RCHY1: variants seen among roughly 807,000 people sequenced by gnomAD.
RCHY1 encodes the protein ring finger and CHY zinc finger domain containing 1.
Under a neutral mutation model 41.6 loss-of-function variants are expected in RCHY1, and 21 were observed. That is an observed-to-expected ratio of 0.51 (90% CI 0.36 to 0.73). The LOEUF (loss-of-function observed/expected upper bound fraction) is 0.73, where lower values mean the gene tolerates loss of function less well. Ranked by LOEUF, RCHY1 falls within the 30% of genes least tolerant of loss-of-function variation. RCHY1 has a pLI of 0.00. For synonymous variants in RCHY1, 79 were observed against 102.9 expected (o/e 0.77, Z 1.41); for missense variants, 265 against 325.3 (o/e 0.81, Z 1.43).
chr4:75,513,963 G>A (rs1007728230), intron 1 of RCHY1: 5 of 517,244 alleles, frequency 9.7e-6, no homozygotes, highest in Non-Finnish European at 1.3e-5. Flanking sequence ...CACTGTGCAA[G>A]CCTAATCACT....
At chr4:75,505,180 G>A (rs1032336235) in intron 3 of RCHY1, among the ~76,000 whole-genome samples, 4 of 152,030 alleles carry the variant, frequency 2.6e-5, no homozygotes, top group African/African-American at 9.7e-5. Context: ...TTCACAATAG[G>A]GTTTGTGCTC....
intron 8 of RCHY1, among the ~76,000 whole-genome samples, chr4:75,485,118 T>C (rs573939013): frequency 2.0e-5 from 3 of 152,374 alleles, no homozygotes; most frequent in South Asian, 2.1e-4. Flanking sequence ...TTATAAAATA[T>C]AGGCCCTTAG....
chr4:75,502,798 T>C (rs139127899), intron 3 of RCHY1, among the ~76,000 whole-genome samples: 1,919 of 152,282 alleles, frequency 0.013, 38 homozygotes, highest in African/African-American at 0.044. Context: ...ACCTTTCATG[T>C]AGAAACATGA....
chr4:75,508,795 G>T (rs773537667), intron 3 of RCHY1, 25 bp downstream of exon 3: 6 of 1,353,918 alleles, frequency 4.4e-6, no homozygotes, highest in Admixed American at 4.2e-5. Context: ...GAAGCAATTA[G>T]ATAAGAACAC....
chr4:75,486,859 G>C (rs1287420124), intron 8 of RCHY1, among the ~76,000 whole-genome samples: 1 of 152,050 alleles, frequency 6.6e-6, no homozygotes, highest in African/African-American at 2.4e-5. Flanking sequence ...TGCGCTTGTA[G>C]TCCCAGCTAC....
At chr4:75,485,811 T>C (rs1721948523) in intron 8 of RCHY1, among the ~76,000 whole-genome samples, 1 of 152,212 alleles carries the variant, frequency 6.6e-6, no homozygotes, top group East Asian at 1.9e-4. Context: ...TCTGCTTCTG[T>C]CTGTGTCTGT....
At chr4:75,497,509 C>T (rs1009588098) in intron 3 of RCHY1, among the ~76,000 whole-genome samples, 3 of 152,138 alleles carry the variant, frequency 2.0e-5, no homozygotes, top group Admixed American at 1.3e-4. Context: ...GACCACATGG[C>T]AGAGCCAAGG....
At chr4:75,514,080 A>G (rs1725267033) in intron 1 of RCHY1, 117 bp downstream of exon 1, 2 of 1,473,846 alleles carry the variant, frequency 1.4e-6, no homozygotes, top group Admixed American at 2.1e-5. Flanking sequence ...CAGGTGGAAA[A>G]GGTATCCTGA....
At chr4:75,487,707 A>AATATATATTCATATATATATTCATT (rs1722294374) in intron 8 of RCHY1, among the ~76,000 whole-genome samples, 7 of 58,200 alleles carry the variant, frequency 1.2e-4, no homozygotes, top group Non-Finnish European at 2.0e-4. Flanking sequence ...ATATATTCAT[A>AATATATATTCATATATATATTCATT]ATATATATTC....
At chr4:75,487,653 A>ATATATATTAT (rs1722257287) in intron 8 of RCHY1, among the ~76,000 whole-genome samples, 1 of 52,898 alleles carries the variant, frequency 1.9e-5, no homozygotes, top group Non-Finnish European at 3.2e-5. Context: ...ATATATATTC[A>ATATATATTAT]TAATATATAT....
intron 4 of RCHY1, among the ~76,000 whole-genome samples, chr4:75,493,413 T>C (rs150616046): frequency 2.0e-5 from 3 of 152,012 alleles, no homozygotes; most frequent in South Asian, 2.1e-4. Context: ...CCTACTATAC[T>C]GCTAAGTAAA....
chr4:75,482,729 C>T, intron 8 of RCHY1, 63 bp from the exon 9 acceptor site: 1 of 1,114,122 alleles, frequency 9.0e-7, no homozygotes. Context: ...GCATTGTCTA[C>T]TCATAATCCC....
chr4:75,485,593 A>G (rs1312746471), intron 8 of RCHY1, among the ~76,000 whole-genome samples: 1 of 152,158 alleles, frequency 6.6e-6, no homozygotes, highest in East Asian at 1.9e-4. Flanking sequence ...ATTTACGTCT[A>G]AAGTCTTAGC....
At chr4:75,500,911 A>G (rs1723685288) in intron 3 of RCHY1, among the ~76,000 whole-genome samples, 1 of 152,320 alleles carries the variant, frequency 6.6e-6, no homozygotes, top group South Asian at 2.1e-4. Flanking sequence ...ACATTCAAAT[A>G]ACATGATTTT....
intron 8 of RCHY1, among the ~76,000 whole-genome samples, chr4:75,487,565 AATAT>A (rs1267198319): frequency 1.8e-5 from 1 of 55,448 alleles, no homozygotes. Flanking sequence ...ATATATTCAT[AATAT>A]ATATATTCAT....
At chr4:75,508,462 T>C (rs1303549545) in intron 3 of RCHY1, among the ~76,000 whole-genome samples, 1 of 152,136 alleles carries the variant, frequency 6.6e-6, no homozygotes, top group Non-Finnish European at 1.5e-5. Context: ...ATTTTTTAAA[T>C]ACTAATTTTT....
chr4:75,487,810 TA>T (rs751782476), intron 8 of RCHY1, among the ~76,000 whole-genome samples: 2 of 97,692 alleles, frequency 2.0e-5, no homozygotes, highest in African/African-American at 4.6e-5. Context: ...TATATATTCA[TA>T]ATATATATTC....
intron 3 of RCHY1, among the ~76,000 whole-genome samples, chr4:75,499,931 A>G (rs72866238): frequency 6.6e-6 from 1 of 152,192 alleles, no homozygotes; most frequent in Non-Finnish European, 1.5e-5. Context: ...ATTAATTCAA[A>G]TGTTTCTAGC....
chr4:75,488,244 A>G (rs1052099010), intron 8 of RCHY1, among the ~76,000 whole-genome samples: 44 of 152,210 alleles, frequency 2.9e-4, no homozygotes, highest in African/African-American at 1.0e-3. Flanking sequence ...TGCAGGCCAC[A>G]GAAATAACCA....
Sources: gnomAD v4.1 joint callset for allele counts (sites outside exome capture counted in the v4.1 genomes callset) on GRCh38, gnomAD v4.1.1 for gene constraint, MANE v1.5 for transcripts, NCBI Gene and HGNC (gene_info 2026-07-23, HGNC 2026-07-21) for gene names.